Variants in PDE9A observed in about 807,000 individuals in gnomAD.
The protein encoded by PDE9A is phosphodiesterase 9A, also known as high affinity cGMP-specific 3',5'-cyclic phosphodiesterase 9A.
A neutral mutation model predicts 87.4 loss-of-function variants in PDE9A; 60 were observed. The observed-to-expected ratio is 0.69, with a 90% confidence interval of 0.56 to 0.85. PDE9A has a LOEUF of 0.85. Ranked by LOEUF, PDE9A falls within the 40% of genes least tolerant of loss-of-function variation. The probability of loss-of-function intolerance (pLI) is 0.00; values close to 1 mark genes in which losing one functional copy is unlikely to be tolerated. For synonymous variants in PDE9A, 272 were observed against 279.4 expected, an observed-to-expected ratio of 0.97 and a Z score of 0.27; for missense variants, 665 against 779.0, an observed-to-expected ratio of 0.85 and a Z score of 1.74.
Position 42,772,461 on chromosome 21 carries a change from T to C in PDE9A, c.1709T>C (p.Leu570Ser). The part of the protein sequence containing the change: ...MKELQKKTDS[L>S]TSGATEKSRE... ...CAGTTACAGAAGAAGACTGACAGCT[T>C]GACGTCTGGGGCCACCGAGAAGTCC... Residue 570 changes from leucine to serine, a missense_variant, in exon 19 of 20, where the codon TTG becomes TCG. Physicochemically the swap from Leu to Ser is moderately radical, Grantham distance 145 (BLOSUM62 -2). Coordinates refer to ENST00000291539, the MANE Select transcript of PDE9A (RefSeq NM_002606.3). 6.3e-7 allele frequency: 1 copy of C among 1,591,114 alleles called. No individual in the cohort carries two copies. Among genetic ancestry groups the C allele is most frequent in the Non-Finnish European group, 8.5e-7 (1 of 1,169,850 alleles).
At position 42,709,448 on chromosome 21, in the gene PDE9A, G is replaced by T. The variant is rs1238730996; in HGVS notation, c.262+10437G>T. On this transcript the variant is annotated intron_variant, in intron 4 of 19. Coordinates refer to ENST00000291539, the MANE Select transcript of PDE9A (RefSeq NM_002606.3). ...CTGCATGTCCTGCACATGTATCCCA[G>T]AACTTAAAATTAAATTAAATTTTTT... Among the ~76,000 whole-genome samples the T allele has an allele frequency of 2.6e-5, 4 of 152,162 alleles. No homozygotes were observed. The East Asian group carries it at 7.7e-4, about 29-fold the overall frequency.
At chr21:42,710,744 T>A (rs2049257219) in intron 4 of PDE9A, among the ~76,000 whole-genome samples, 1 of 152,222 alleles carries the variant, frequency 6.6e-6, no homozygotes, top group Admixed American at 6.5e-5. Context: ...TCCTAGCTCT[T>A]TGGAAGGCCA....
In PDE9A at chr21:42,744,507, G is replaced by A. The variant is rs570762698; in HGVS notation, c.653+647G>A. Among the ~76,000 whole-genome samples, 4 of 152,326 alleles carry A rather than the reference G, an allele frequency of 2.6e-5. No homozygotes were observed. In the East Asian group the frequency reaches 7.7e-4, roughly 29 times the overall value. On this transcript the variant is annotated intron_variant, in intron 8 of 19. Transcript: ENST00000291539. ...TAAAGACAGAACAAGAAGAGGAAAAGCATTAGGGGAGGAGCCTCCTGTTGC... is the reference window on the plus strand; with the variant it reads ...TAAAGACAGAACAAGAAGAGGAAAAACATTAGGGGAGGAGCCTCCTGTTGC...
intron 4 of PDE9A, among the ~76,000 whole-genome samples, chr21:42,706,405 G>T (rs1418617206): frequency 6.6e-6 from 1 of 152,192 alleles, no homozygotes; most frequent in East Asian, 1.9e-4. Context: ...AGCACTCTGG[G>T]AGGCTGAGGC....
rs1476775606 is a variant in PDE9A at position 42,686,218 on chromosome 21, C to T, written c.96C>T (p.Ser32=). Residue 32 remains serine (S), a synonymous_variant, in exon 2 of 20, where the codon TCC becomes TCT. Transcript: ENST00000291539. Reference sequence around the variant, plus strand: ...TAATCTTCAGCAAGTACTGCAACTCCAGCGACATCATGGACCTGTTCTGCA... The same window carrying T: ...TAATCTTCAGCAAGTACTGCAACTCTAGCGACATCATGGACCTGTTCTGCA... ...QKVIFSKYCN[S]SDIMDLFCIA... 1.2e-6 allele frequency: 2 copies of T among 1,613,816 alleles called. No homozygotes were observed. The highest frequency in any genetic ancestry group is 8.5e-7 in the Non-Finnish European group (1 of 1,179,820).
At chr21:42,654,076 T>TGGGGGG (rs2056858986) in intron 1 of PDE9A, among the ~76,000 whole-genome samples, 193 bp downstream of exon 1, 2 of 39,910 alleles carry the variant, frequency 5.0e-5, no homozygotes, top group African/African-American at 2.0e-4. Context: ...CCCTGGGGGG[T>TGGGGGG]GGGGGGTGGG....
rs13047083 is a variant in PDE9A at position 42,723,472 on chromosome 21, C to T, written c.263-8298C>T. 0.045 allele frequency among the ~76,000 whole-genome samples: 6,831 copies of T among 152,282 alleles called. 273 individuals are homozygous for T. Among genetic ancestry groups the T allele is most frequent in the African/African-American group, 0.1 (4,168 of 41,536 alleles). On this transcript the variant is annotated intron_variant, in intron 4 of 19. Transcript: ENST00000291539. The surrounding 1 kb of genome is among the most constrained non-coding windows in gnomAD (Gnocchi z 4.3). ...GGAGTTGAGGCTGAAGAGGAGCCTA[C>T]CTAAACCTGTCATTACAACTGATTG...
intron 4 of PDE9A, among the ~76,000 whole-genome samples, chr21:42,721,801 G>A (rs981772296): frequency 1.3e-5 from 2 of 151,936 alleles, no homozygotes; most frequent in African/African-American, 4.8e-5. Flanking sequence ...CTCAGGGGTT[G>A]GAGGTTGGAC....
At chr21:42,666,177 GTCA>G (rs1340808270) in intron 1 of PDE9A, among the ~76,000 whole-genome samples, 2 of 152,052 alleles carry the variant, frequency 1.3e-5, no homozygotes, top group East Asian at 1.9e-4. Flanking sequence ...AGTGGGCGTG[GTCA>G]TCAAGAAAGG....
chr21:42,745,864 A>AGCCTGAAACCAGACT (rs2053794000), intron 8 of PDE9A, among the ~76,000 whole-genome samples: 1 of 152,190 alleles, frequency 6.6e-6, no homozygotes, highest in Non-Finnish European at 1.5e-5. Context: ...TCTAGTCTTC[A>AGCCTGAAACCAGACT]GCCTGAAACC....
chr21:42,687,990 G>T lies in PDE9A; in HGVS notation c.214G>T (p.Glu72Ter). ...SIDPTMPANS[E>*]RTPYKVRPVA... is the part of the protein sequence containing the mutation. ...CGACCCCACCATGCCCGCGAATTCA[G>T]AACGGTAAGAGGCTCCGGCCGCGCT... Residue 72 changes from glutamate (E) to a stop codon, truncating the protein, a stop_gained, in exon 3 of 20, where the codon GAA becomes TAA. Coordinates refer to ENST00000291539, the MANE Select transcript of PDE9A (RefSeq NM_002606.3). LOFTEE classifies it high-confidence loss of function. 1.2e-6 allele frequency: 2 copies of T among 1,612,332 alleles called. No homozygotes were observed. The highest frequency in any genetic ancestry group is 8.5e-7 in the Non-Finnish European group (1 of 1,179,756).
At chr21:42,697,627 G>C (rs1340016311) in intron 3 of PDE9A, 13 of 707,732 alleles carry the variant, frequency 1.8e-5, no homozygotes, top group Non-Finnish European at 3.1e-5. Context: ...GGTGTGGGCA[G>C]GTTCTGTTCC....
rs770506663 is a variant in PDE9A at position 42,731,949 on chromosome 21, G to A, written c.442G>A (p.Glu148Lys). The change falls in exon 5 of 20, where the codon GAG becomes AAG. Residue 148 changes from glutamate to lysine, a missense_variant and splice_region_variant. Transcript: ENST00000291539. ...CCAGGAAGGCCAGCGCATCCCTCCAGGTAACGGGCAGCTCCTCGGCCACAG... is the reference window on the plus strand; with the variant it reads ...CCAGGAAGGCCAGCGCATCCCTCCAAGTAACGGGCAGCTCCTCGGCCACAG... ...CYQEGQRIPP[E>K]REELIQSVLA... is the part of the protein sequence containing the mutation. The A allele has an allele frequency of 6.2e-7, 1 of 1,613,340 alleles. No individual in the cohort carries two copies. Among genetic ancestry groups the A allele is most frequent in the Non-Finnish European group, 8.5e-7 (1 of 1,179,482 alleles).
chr21:42,670,960 C>T (rs1043587426), intron 1 of PDE9A, among the ~76,000 whole-genome samples: 1 of 152,100 alleles, frequency 6.6e-6, no homozygotes, highest in Non-Finnish European at 1.5e-5. Flanking sequence ...ATCTTTGATC[C>T]TTAAACCATG....
At chr21:42,670,508 TCA>T (rs200958091) in intron 1 of PDE9A, among the ~76,000 whole-genome samples, 2,623 of 147,380 alleles carry the variant, frequency 0.018, 20 homozygotes, top group Non-Finnish European at 0.021. Flanking sequence ...ACTCACACCT[TCA>T]CACACACAGG....
Position 42,699,022 on chromosome 21 carries a change from G to A in PDE9A, c.262+11G>A. 1.9e-6 allele frequency: 3 copies of A among 1,599,556 alleles called. No homozygotes were observed. The highest frequency in any genetic ancestry group is 2.6e-6 in the Non-Finnish European group (3 of 1,166,978). On this transcript the variant is annotated intron_variant, in intron 4 of 19. Transcript: ENST00000291539. Reference sequence around the variant, plus strand: ...TCAAGCAACTCTCCGGTAAGGCCCTGCTGTCGTTTTTTAAACTAAAAGAAG... The same window carrying A: ...TCAAGCAACTCTCCGGTAAGGCCCTACTGTCGTTTTTTAAACTAAAAGAAG...
intron 13 of PDE9A, 125 bp downstream of exon 13, chr21:42,761,032 A>G (rs2055706870): frequency 1.4e-6 from 1 of 696,742 alleles, no homozygotes; most frequent in Admixed American, 2.0e-5. Flanking sequence ...CCAGCCCCCA[A>G]CTCTGCCTCC....
chr21:42,698,233 T>C (rs1482158599), intron 3 of PDE9A, among the ~76,000 whole-genome samples: 3 of 152,196 alleles, frequency 2.0e-5, no homozygotes, highest in Admixed American at 2.0e-4. Context: ...CCTGTGTCCT[T>C]GTAGCACCTC....
chr21:42,722,876 AGACTCAG>A lies in PDE9A; in HGVS notation c.263-8891_263-8885del, dbSNP rs2050667710. On this transcript the variant is annotated intron_variant, in intron 4 of 19. Coordinates refer to ENST00000291539, the MANE Select transcript of PDE9A (RefSeq NM_002606.3). This position sits in a 1 kb window ranked among gnomAD's most constrained non-coding sequence, Gnocchi z 4.1. ...AATTTCATGTCATTCTGCACTGGGT[AGACTCAG>A]GATTTGCCTGAAACAAGTAAACAAT... Among the ~76,000 whole-genome samples, 1 of 152,266 alleles carries A rather than the reference AGACTCAG, an allele frequency of 6.6e-6. No homozygotes were observed. Among genetic ancestry groups the A allele is most frequent in the African/African-American group, 2.4e-5 (1 of 41,474 alleles).
Sources: gnomAD v4.1 joint callset for allele counts (sites outside exome capture counted in the v4.1 genomes callset) on GRCh38, gnomAD v4.1.1 for gene constraint, Gnocchi (gnomAD v3.1) non-coding constraint, MANE v1.5 for transcripts, NCBI Gene and HGNC (gene_info 2026-07-23, HGNC 2026-07-21) for gene names.